Variants in AOPEP observed in about 807,000 individuals in gnomAD.
AOPEP encodes the protein aminopeptidase O.
In AOPEP, 77 loss-of-function variants were observed where a neutral mutation model predicts 98.1. That is an observed-to-expected ratio of 0.78 (90% CI 0.65 to 0.95). The LOEUF is 0.95. Ranked by LOEUF, AOPEP falls within the 40% of genes least tolerant of loss-of-function variation. AOPEP has a pLI of 0.00. For synonymous variants in AOPEP, 346 were observed against 365.3 expected, an observed-to-expected ratio of 0.95 and a Z score of 0.60; for missense variants, 1,024 against 1,024.7, an observed-to-expected ratio of 1.00 and a Z score of 0.01.
intron 11 of AOPEP, among the ~76,000 whole-genome samples, chr9:94,998,685 T>C (rs2061382096): frequency 6.6e-6 from 1 of 152,252 alleles, no homozygotes; most frequent in Non-Finnish European, 1.5e-5. Context: ...ATTACTGCGT[T>C]GTCACAGGAG....
At chr9:94,817,860 G>T (rs1852050369) in intron 5 of AOPEP, among the ~76,000 whole-genome samples, 1 of 152,198 alleles carries the variant, frequency 6.6e-6, no homozygotes, top group African/African-American at 2.4e-5. Context: ...AATCTCAGGA[G>T]CTGAGTTTAA....
At chr9:94,922,260 A>T (rs1181611765) in intron 5 of AOPEP, among the ~76,000 whole-genome samples, 1 of 152,140 alleles carries the variant, frequency 6.6e-6, no homozygotes, top group Admixed American at 6.5e-5. Context: ...TTTCTTCATG[A>T]ATAGTCTTAG....
chr9:95,005,259 C>A, intron 12 of AOPEP, 39 bp downstream of exon 12: 1 of 1,041,838 alleles, frequency 9.6e-7, no homozygotes, highest in Non-Finnish European at 1.2e-6. Flanking sequence ...CCCGGTGGCG[C>A]CGGCGCGAGA....
chr9:95,000,002 A>G (rs1018385576), intron 11 of AOPEP, among the ~76,000 whole-genome samples: 7 of 152,232 alleles, frequency 4.6e-5, no homozygotes, highest in Non-Finnish European at 1.0e-4. Flanking sequence ...TAGCTGGTTC[A>G]CTGCAGAACC....
chr9:95,081,541 A>G (rs1455015757), intron 15 of AOPEP, among the ~76,000 whole-genome samples: 1 of 152,176 alleles, frequency 6.6e-6, no homozygotes, highest in African/African-American at 2.4e-5. Context: ...AGTGTGGGGG[A>G]CAGCCAGCCA....
intron 3 of AOPEP, among the ~76,000 whole-genome samples, chr9:94,776,320 G>A (rs1048817076): frequency 4.0e-5 from 6 of 151,648 alleles, no homozygotes; most frequent in African/African-American, 1.5e-4. Context: ...TTTGTTTTTT[G>A]GAGACGGAGT....
At chr9:95,032,203 C>T (rs1733431423) in intron 13 of AOPEP, among the ~76,000 whole-genome samples, 1 of 152,224 alleles carries the variant, frequency 6.6e-6, no homozygotes, top group Admixed American at 6.5e-5. Context: ...GCGGAGGCCA[C>T]CTGCTTCTGG....
chr9:94,843,086 A>G (rs1331668669), intron 5 of AOPEP, among the ~76,000 whole-genome samples: 1 of 152,134 alleles, frequency 6.6e-6, no homozygotes, highest in Non-Finnish European at 1.5e-5. Context: ...TTTCTTCTGT[A>G]CTACAGCCTT....
chr9:94,932,994 A>G (rs1420059908), intron 7 of AOPEP: 1 of 985,260 alleles, frequency 1.0e-6, no homozygotes, highest in East Asian at 1.1e-4. Context: ...GCCATTTTTC[A>G]TTTGTTAATT....
chr9:94,763,655 A>G (rs1838889549), intron 2 of AOPEP, among the ~76,000 whole-genome samples: 1 of 152,218 alleles, frequency 6.6e-6, no homozygotes, highest in Non-Finnish European at 1.5e-5. Context: ...GAAATATACA[A>G]GATGAGTCTG....
intron 16 of AOPEP, among the ~76,000 whole-genome samples, chr9:95,083,651 C>T (rs1219759892): frequency 2.0e-5 from 3 of 151,458 alleles, no homozygotes; most frequent in African/African-American, 4.9e-5. Context: ...ACACACAGCG[C>T]GTGCACCACA....
chr9:94,904,308 C>T (rs2050840821), intron 5 of AOPEP: 1 of 152,130 alleles, frequency 6.6e-6, no homozygotes, highest in Non-Finnish European at 1.5e-5. Flanking sequence ...GAAACTGAGG[C>T]CAGAGAGGTA....
rs181364890 is a variant in AOPEP, at chr9:94,832,074, C to A, written c.1364+31072C>A. ...TGGAGAAAACTTCTGGTTTTAAAAC[C>A]CAGAACCAATAGAAGGAAAGATTGA... On this transcript the variant is annotated intron_variant, in intron 5 of 16. Coordinates refer to ENST00000375315, the MANE Select transcript of AOPEP (RefSeq NM_001193329.3). 4.6e-3 allele frequency among the ~76,000 whole-genome samples: 694 copies of A among 151,956 alleles called. 6 individuals are homozygous for A. Among genetic ancestry groups the A allele is most frequent in the Middle Eastern group, 0.024 (7 of 294 alleles).
chr9:94,989,387 C>A (rs1275982376), intron 11 of AOPEP, among the ~76,000 whole-genome samples: 2 of 151,964 alleles, frequency 1.3e-5, no homozygotes, highest in Non-Finnish European at 2.9e-5. Context: ...CAGGTGTGGG[C>A]CACCGCGCCC....
At chr9:95,064,515 TCCTGACCTC>T (rs1311562940) in intron 14 of AOPEP, among the ~76,000 whole-genome samples, 2 of 152,216 alleles carry the variant, frequency 1.3e-5, no homozygotes, top group Admixed American at 1.3e-4. Flanking sequence ...GTTCTCGAAC[TCCTGACCTC>T]ATGATCCACC....
intron 5 of AOPEP, among the ~76,000 whole-genome samples, chr9:94,870,333 A>G (rs559900885): frequency 4.3e-4 from 66 of 152,276 alleles, no homozygotes; most frequent in African/African-American, 1.5e-3. Flanking sequence ...CAGTCAAAAC[A>G]TGAATTTTTT....
chr9:94,776,064 G>T (rs1842027283), intron 3 of AOPEP, among the ~76,000 whole-genome samples: 1 of 151,914 alleles, frequency 6.6e-6, no homozygotes, highest in Admixed American at 6.5e-5. Flanking sequence ...GAAGAACAAA[G>T]GACAAAGCAT....
intron 3 of AOPEP, among the ~76,000 whole-genome samples, chr9:94,776,922 T>G (rs1842235946): frequency 6.6e-6 from 1 of 152,106 alleles, no homozygotes; most frequent in African/African-American, 2.4e-5. Flanking sequence ...TTCATTTTTT[T>G]TTTTTTTTTA....
chr9:94,956,160 CAAAG>C (rs1470307700), intron 9 of AOPEP, 145 bp downstream of exon 9: 1 of 568,066 alleles, frequency 1.8e-6, no homozygotes, highest in East Asian at 2.7e-5. Context: ...GAAATGGACA[CAAAG>C]AAAGGGTTGC....
Sources: gnomAD v4.1 joint callset for allele counts (sites outside exome capture counted in the v4.1 genomes callset) on GRCh38, gnomAD v4.1.1 for gene constraint, MANE v1.5 for transcripts, NCBI Gene and HGNC (gene_info 2026-07-23, HGNC 2026-07-21) for gene names.